The following MLF1 variants were observed in gnomAD, a reference collection of about 807,000 sequenced individuals.
The protein encoded by MLF1 is myelodysplasia-myeloid leukemia factor 1.
Under a neutral mutation model 38.3 loss-of-function variants are expected in MLF1, and 37 were observed. The ratio of observed to expected loss-of-function variants is 0.96; its 90% confidence interval spans 0.74 to 1.27. MLF1 has a LOEUF of 1.27. Among genes scored for constraint, MLF1 ranks in the 50% most tolerant of loss-of-function variants. The pLI is 0.00. For missense variants in MLF1, 331 were observed against 349.2 expected, an observed-to-expected ratio of 0.95 and a Z score of 0.42; for synonymous variants, 95 against 106.5, an observed-to-expected ratio of 0.89 and a Z score of 0.66.
At chr3:158,598,991 C>T (rs1719324143) in intron 5 of MLF1, among the ~76,000 whole-genome samples, 2 of 152,160 alleles carry the variant, frequency 1.3e-5, no homozygotes, top group African/African-American at 4.8e-5. Context: ...CAGCTTGATA[C>T]ATGTGGCCCT....
intron 1 of MLF1, 125 bp from the exon 2 acceptor site, chr3:158,592,309 C>T: frequency 1.4e-6 from 1 of 693,052 alleles, no homozygotes; most frequent in South Asian, 3.0e-5. Context: ...AAATAGAGTT[C>T]TCTTCTACTC....
chr3:158,599,057 C>T (rs2108643417), intron 5 of MLF1, among the ~76,000 whole-genome samples: 1 of 151,912 alleles, frequency 6.6e-6, no homozygotes, highest in African/African-American at 2.4e-5. Context: ...GATTAATACG[C>T]TTCTGAGATT....
intron 3 of MLF1, 22 bp from the exon 4 acceptor site, chr3:158,596,840 C>G (rs746877412): frequency 6.5e-7 from 1 of 1,537,402 alleles, no homozygotes; most frequent in African/African-American, 1.4e-5. Context: ...CAGTTAATAA[C>G]ATACTTCCTG....
intron 4 of MLF1, among the ~76,000 whole-genome samples, chr3:158,597,199 A>G (rs965532869): frequency 6.6e-6 from 1 of 152,122 alleles, no homozygotes; most frequent in Non-Finnish European, 1.5e-5. Flanking sequence ...GTTACAACCC[A>G]CTAAATTGAG....
intron 1 of MLF1, among the ~76,000 whole-genome samples, chr3:158,592,206 A>C (rs1011661448): frequency 6.6e-6 from 1 of 152,214 alleles, no homozygotes; most frequent in African/African-American, 2.4e-5. Context: ...TTCATACCAC[A>C]GTAAAGTCAA....
chr3:158,599,939 T>G, intron 5 of MLF1, 75 bp from the exon 6 acceptor site: 1 of 606,944 alleles, frequency 1.6e-6, no homozygotes, highest in Non-Finnish European at 2.4e-6. Flanking sequence ...TGGCCATATC[T>G]CTGTAGGTAA....
intron 1 of MLF1, chr3:158,588,905 T>C: frequency 2.2e-6 from 1 of 456,582 alleles, no homozygotes; most frequent in Non-Finnish European, 4.4e-6. Context: ...AAGAAGCCCT[T>C]GGAACTATCA....
At chr3:158,574,526 A>T (rs933270072) in intron 1 of MLF1, among the ~76,000 whole-genome samples, 2 of 139,072 alleles carry the variant, frequency 1.4e-5, no homozygotes, top group Admixed American at 1.5e-4. Context: ...AAAAAAAAAA[A>T]ATACAAAATT....
intron 3 of MLF1, among the ~76,000 whole-genome samples, chr3:158,594,649 G>A (rs900610442): frequency 3.3e-5 from 5 of 152,174 alleles, no homozygotes; most frequent in Non-Finnish European, 7.4e-5. Flanking sequence ...ACTAGGTAAT[G>A]TCTGTGGTGA....
At chr3:158,597,607 G>A (rs1464841292) in intron 4 of MLF1, among the ~76,000 whole-genome samples, 1 of 152,000 alleles carries the variant, frequency 6.6e-6, no homozygotes, top group Non-Finnish European at 1.5e-5. Context: ...AATAATCTAG[G>A]GCATTATTGG....
chr3:158,572,096 GGTTTGGGAGCATGAGGTGTGGGGGAGA>G (rs1426644435), intron 1 of MLF1, among the ~76,000 whole-genome samples: 3 of 123,718 alleles, frequency 2.4e-5, no homozygotes, highest in African/African-American at 6.4e-5. Flanking sequence ...GTGGGGGGAG[GGTTTGGGAGCATGAGGTGTGGGGGAGA>G]GTTGAAGGTG....
intron 1 of MLF1, among the ~76,000 whole-genome samples, chr3:158,588,625 G>A (rs2886037): frequency 0.54 from 64,821 of 120,484 alleles, 16,204 homozygotes; most frequent in African/African-American, 0.71. Flanking sequence ...AAAAAAAAAA[G>A]CAGAAAAAAA....
At chr3:158,579,447 A>G (rs137924195) in intron 1 of MLF1, among the ~76,000 whole-genome samples, 9 of 152,264 alleles carry the variant, frequency 5.9e-5, no homozygotes, top group African/African-American at 1.4e-4. Context: ...ACACCAGACT[A>G]TAGGCTCGCT....
At chr3:158,577,826 G>A (rs550394254) in intron 1 of MLF1, among the ~76,000 whole-genome samples, 1 of 152,214 alleles carries the variant, frequency 6.6e-6, no homozygotes, top group African/African-American at 2.4e-5. Context: ...AATTAATATT[G>A]TAAATATCCA....
rs1218643415 is a variant in MLF1, at chr3:158,598,123, C to A, written c.368C>A (p.Ser123Tyr). 6.2e-7 allele frequency: 1 copy of A among 1,613,506 alleles called. No individual in the cohort carries two copies. Among genetic ancestry groups the A allele is most frequent in the Non-Finnish European group, 8.5e-7 (1 of 1,179,780 alleles). ...VDPNGHSFCS[S>Y]SVMTYSKIGD... ...CCAAATGGACATTCATTTTGTTCTT[C>A]CTCAGTTATGACTTATTCCAAAATA... The change falls in exon 5 of 8, where the codon TCC (serine) becomes TAC (tyrosine). Residue 123 changes from serine to tyrosine, a missense_variant. Physicochemically the swap from Ser to Tyr is moderately radical, Grantham distance 144. Coordinates refer to ENST00000466246, the MANE Select transcript of MLF1 (RefSeq NM_001369783.1).
At chr3:158,583,499 G>A (rs1716733296) in intron 1 of MLF1, among the ~76,000 whole-genome samples, 1 of 152,138 alleles carries the variant, frequency 6.6e-6, no homozygotes, top group Non-Finnish European at 1.5e-5. Context: ...TAGAAAAAAG[G>A]TATGTCTATT....
At position 158,605,299 on chromosome 3, in the gene MLF1, G is replaced by T. The variant is rs1720380868; in HGVS notation, c.*97G>T. ...AGACCAATCTCTTGCTGTTAAATCAGTTCTGTCCTTGGCAACTTTCTTCTG... is the reference window on the plus strand; with the variant it reads ...AGACCAATCTCTTGCTGTTAAATCATTTCTGTCCTTGGCAACTTTCTTCTG... On this transcript the variant is annotated 3_prime_UTR_variant, in exon 8 of 8. Coordinates refer to ENST00000466246, the MANE Select transcript of MLF1 (RefSeq NM_001369783.1). The T allele has an allele frequency of 1.1e-6, 1 of 901,088 alleles. No individual in the cohort carries two copies. The highest frequency in any genetic ancestry group is 2.1e-5 in the South Asian group (1 of 48,412). 55.8% of individuals were successfully genotyped at this position (901,088 alleles called of 1,614,324 possible). A position where few individuals can be genotyped will look rare whatever the true frequency, so the allele number is the denominator to read the frequency against.
At chr3:158,598,016 T>G in intron 4 of MLF1, 64 bp from the exon 5 acceptor site, 2 of 1,550,290 alleles carry the variant, frequency 1.3e-6, no homozygotes, top group Non-Finnish European at 1.8e-6. Flanking sequence ...GTTACTTATT[T>G]GAACTCTCTG....
chr3:158,573,197 T>A (rs1714819327), intron 1 of MLF1: 1 of 151,598 alleles, frequency 6.6e-6, no homozygotes, highest in African/African-American at 2.4e-5. Flanking sequence ...GGGGAATGTG[T>A]CAATGAGAGC....
Sources: allele counts gnomAD v4.1 joint callset (sites outside exome capture counted in the v4.1 genomes callset), GRCh38; gene constraint gnomAD v4.1.1; transcripts MANE v1.5; gene names NCBI Gene and HGNC (gene_info 2026-07-23, HGNC 2026-07-21).